MEIOSIN: variants seen among roughly 807,000 people sequenced by gnomAD.
MEIOSIN encodes meiosis initiator.
Under a neutral mutation model 23.4 loss-of-function variants are expected in MEIOSIN, and 18 were observed. The ratio of observed to expected loss-of-function variants is 0.77; its 90% CI spans 0.53 to 1.14. The LOEUF is 1.14. Ranked by LOEUF, MEIOSIN falls within the 50% of genes most tolerant of loss-of-function variation. MEIOSIN has a pLI of 0.00. For missense variants in MEIOSIN, 428 were observed against 242.9 expected, an observed-to-expected ratio of 1.76 and a Z score of -5.07; for synonymous variants, 187 against 100.6, an observed-to-expected ratio of 1.86 and a Z score of -5.14.
chr19:45,759,229 C>T (rs1968894771), intron 10 of MEIOSIN, among the ~76,000 whole-genome samples, 185 bp from the exon 11 acceptor site: 1 of 152,206 alleles, frequency 6.6e-6, no homozygotes, highest in Admixed American at 6.5e-5. Flanking sequence ...AGGACTTGAG[C>T]TCACTCTGTG....
At chr19:45,752,068 A>C (rs1600384925) in intron 5 of MEIOSIN, among the ~76,000 whole-genome samples, 18 of 107,208 alleles carry the variant, frequency 1.7e-4, no homozygotes, top group African/African-American at 2.6e-4. Flanking sequence ...ACAAGGTCTC[A>C]CTCTGTCACC....
chr19:45,752,033 GTTTTTT>G (rs36122176), intron 5 of MEIOSIN, among the ~76,000 whole-genome samples: 1 of 64,112 alleles, frequency 1.6e-5, no homozygotes, highest in Non-Finnish European at 2.8e-5. Flanking sequence ...GCTCCTAGCC[GTTTTTT>G]TTTTTTTTTT....
At position 45,753,799 on chromosome 19, in the gene MEIOSIN, T is replaced by C. The variant is rs764360163; in HGVS notation, c.556+11T>C. The C allele has an allele frequency of 1.6e-5, 11 of 699,166 alleles. No homozygotes were observed. In the South Asian group the frequency reaches 1.6e-4, roughly 10 times the overall value. 43.3% of individuals were successfully genotyped at this position (699,166 alleles called of 1,614,324 possible). ...TGACCCAGGCATCAGGTACAAGCTG[T>C]CACTGGAGGCAGAACTAGAAGCCCA... is the stretch of plus-strand genomic sequence containing the variant. On this transcript the variant is annotated intron_variant, in intron 6 of 14. Transcript: ENST00000457052.
chr19:45,750,576 G>A (rs1329668287), intron 4 of MEIOSIN, 99 bp from the exon 5 acceptor site: 9 of 368,492 alleles, frequency 2.4e-5, no homozygotes, highest in Non-Finnish European at 4.5e-5. Context: ...GGCCAGGCTG[G>A]TCTCGAACTC....
rs939169764 is a variant in MEIOSIN at position 45,755,963 on chromosome 19, C to T, written c.803-7C>T. The stretch of plus-strand genomic sequence containing the variant: ...CCCAGGCATGGTCATCCTGATCTGC[C>T]CCTTAGGCTGCTGGTGCCAGGGCAG... On this transcript the variant is annotated splice_region_variant and splice_polypyrimidine_tract_variant and intron_variant, in intron 7 of 14. Coordinates refer to ENST00000457052, the MANE Select transcript of MEIOSIN (RefSeq NM_001310124.2). The T allele has an allele frequency of 1.4e-6, 1 of 702,122 alleles. No individual in the cohort carries two copies. Among genetic ancestry groups the T allele is most frequent in the Admixed American group, 2.0e-5 (1 of 49,978 alleles). 43.5% of individuals were successfully genotyped at this position (702,122 alleles called of 1,614,324 possible).
intron 13 of MEIOSIN, among the ~76,000 whole-genome samples, chr19:45,762,841 A>T (rs1202575875): frequency 1.3e-5 from 2 of 152,152 alleles, no homozygotes; most frequent in East Asian, 3.9e-4. Flanking sequence ...GCTGTCTGGA[A>T]TCTTTGTCCT....
chr19:45,740,183 T>C (rs931189435), intron 3 of MEIOSIN, among the ~76,000 whole-genome samples: 1 of 152,094 alleles, frequency 6.6e-6, no homozygotes, highest in Non-Finnish European at 1.5e-5. Flanking sequence ...TCATGAACAC[T>C]CCCTATGTAC....
chr19:45,763,871 C>T (rs1035035006), intron 14 of MEIOSIN, 100 bp from the exon 15 acceptor site: 11 of 398,078 alleles, frequency 2.8e-5, no homozygotes, highest in Non-Finnish European at 4.4e-5. Context: ...GAGGCTAAAA[C>T]GGTGGCCCAG....
At chr19:45,743,493 A>G (rs1968540600) in intron 3 of MEIOSIN, among the ~76,000 whole-genome samples, 1 of 152,100 alleles carries the variant, frequency 6.6e-6, no homozygotes, top group South Asian at 2.1e-4. Context: ...TATCGTTTCT[A>G]CCAGGAGGTA....
intron 9 of MEIOSIN, among the ~76,000 whole-genome samples, 183 bp from the exon 10 acceptor site, chr19:45,758,695 G>A (rs1342100527): frequency 6.6e-6 from 1 of 152,248 alleles, no homozygotes; most frequent in African/African-American, 2.4e-5. Flanking sequence ...CTCCCAAAGT[G>A]CTGGGTTACA....
intron 2 of MEIOSIN, among the ~76,000 whole-genome samples, chr19:45,737,282 C>G (rs1262541126): frequency 6.6e-6 from 1 of 151,560 alleles, no homozygotes; most frequent in Non-Finnish European, 1.5e-5. Flanking sequence ...TGGGCTCAAA[C>G]AATCTTCCCA....
intron 4 of MEIOSIN, among the ~76,000 whole-genome samples, chr19:45,750,295 C>T (rs1458423314): frequency 6.7e-6 from 1 of 148,216 alleles, no homozygotes; most frequent in Non-Finnish European, 1.5e-5. Flanking sequence ...CCCCAGCAGC[C>T]CCACATTGTC....
intron 7 of MEIOSIN, 121 bp downstream of exon 7, chr19:45,754,845 C>T (rs1968789323): frequency 1.6e-6 from 1 of 629,798 alleles, no homozygotes; most frequent in Non-Finnish European, 2.9e-6. Flanking sequence ...GAAACACCGC[C>T]TCTTACTTCT....
chr19:45,740,922 T>G (rs1968493907), intron 3 of MEIOSIN, among the ~76,000 whole-genome samples: 1 of 152,068 alleles, frequency 6.6e-6, no homozygotes, highest in African/African-American at 2.4e-5. Context: ...CAGTATTCAT[T>G]AATTCAATAA....
At position 45,752,416 on chromosome 19, in the gene MEIOSIN, G is replaced by A. The variant is rs899095481; in HGVS notation, c.419-1235G>A. Among the ~76,000 whole-genome samples, 12 of 151,864 alleles carry A rather than the reference G, an allele frequency of 7.9e-5. No individual in the cohort carries two copies. The East Asian group carries it at 1.2e-3, about 15-fold the overall frequency. ...TTTTTAGTAGAGACAGGATTTTGCCGTGGTCGCCAAGCTGGTATCACCTCA... is the reference window on the plus strand; with the variant it reads ...TTTTTAGTAGAGACAGGATTTTGCCATGGTCGCCAAGCTGGTATCACCTCA... On this transcript the variant is annotated intron_variant, in intron 5 of 14. Coordinates refer to ENST00000457052, the MANE Select transcript of MEIOSIN (RefSeq NM_001310124.2).
intron 2 of MEIOSIN, among the ~76,000 whole-genome samples, chr19:45,736,095 G>A (rs1968403557): frequency 6.6e-6 from 1 of 152,160 alleles, no homozygotes; most frequent in Non-Finnish European, 1.5e-5. Context: ...TTAGAGTGCA[G>A]TGGTGGCATC....
chr19:45,761,413 C>T (rs968008031), intron 11 of MEIOSIN, among the ~76,000 whole-genome samples: 5 of 145,402 alleles, frequency 3.4e-5, no homozygotes, highest in Admixed American at 7.0e-5. Context: ...TGAGCCACTG[C>T]GCCTGGCCTA....
chr19:45,763,272 G>A (rs1968985264), intron 13 of MEIOSIN, 66 bp from the exon 14 acceptor site: 1 of 398,258 alleles, frequency 2.5e-6, no homozygotes, highest in African/African-American at 2.1e-5. Context: ...AGGCTAGGAA[G>A]GGTCTGAGTT....
intron 3 of MEIOSIN, among the ~76,000 whole-genome samples, chr19:45,741,134 G>A (rs1288495787): frequency 6.6e-6 from 1 of 152,070 alleles, no homozygotes; most frequent in Non-Finnish European, 1.5e-5. Flanking sequence ...CAGATCACGA[G>A]GTCAGGAGTT....
Sources: gnomAD v4.1 joint callset for allele counts (sites outside exome capture counted in the v4.1 genomes callset) on GRCh38, gnomAD v4.1.1 for gene constraint, MANE v1.5 for transcripts, NCBI Gene and HGNC (gene_info 2026-07-23, HGNC 2026-07-21) for gene names.